Variants in PDE6A observed in about 807,000 individuals in gnomAD.
PDE6A encodes the protein rod cGMP-specific 3',5'-cyclic phosphodiesterase subunit alpha.
In PDE6A, 84 loss-of-function variants were observed where a neutral mutation model predicts 106.3. The ratio of observed to expected loss-of-function variants is 0.79; its 90% CI spans 0.66 to 0.95. PDE6A has a LOEUF of 0.95. PDE6A is among the 40% of genes least tolerant of loss of function. PDE6A has a pLI of 0.00. For synonymous variants in PDE6A, 394 were observed against 386.6 expected (o/e 1.02, Z -0.23); for missense variants, 1,052 against 1,084.9 (o/e 0.97, Z 0.43).
chr5:149,867,367 A>G, intron 19 of PDE6A: 1 of 386,878 alleles, frequency 2.6e-6, no homozygotes, highest in South Asian at 2.3e-5. Flanking sequence ...AGACCTTTGA[A>G]ATTGAAAGGG....
At chr5:149,881,921 G>C (rs186942216) in intron 17 of PDE6A, among the ~76,000 whole-genome samples, 34 of 151,872 alleles carry the variant, frequency 2.2e-4, no homozygotes, top group Admixed American at 5.2e-4. Flanking sequence ...GGTATAGTGC[G>C]TGTGCCTGTA....
At chr5:149,867,187 C>G (rs2113505998) in intron 19 of PDE6A, 1 of 190,710 alleles carries the variant, frequency 5.2e-6, no homozygotes, top group Admixed American at 5.3e-5. Context: ...CCAGCTTTGC[C>G]TTCAGGGACT....
In PDE6A at chr5:149,895,213, G is replaced by A. The variant is rs149698452; in HGVS notation, c.1698C>T (p.Asn566=). ...ITYHNWRHGF[N]VGQTMFSLLV... is the part of the protein sequence containing the mutation. Reference sequence around the variant, plus strand: ...GCAGGGAGAACATGGTCTGCCCCACGTTGAAGCCGTGCCGCCAGTTGTGGT... The same window carrying A: ...GCAGGGAGAACATGGTCTGCCCCACATTGAAGCCGTGCCGCCAGTTGTGGT... Residue 566 remains asparagine (N), a synonymous_variant, in exon 13 of 22, where the codon AAC becomes AAT. Transcript: ENST00000255266. 4.7e-5 allele frequency: 76 copies of A among 1,613,908 alleles called. No homozygotes were observed. The highest frequency in any genetic ancestry group is 3.3e-4 in the South Asian group (30 of 91,084).
chr5:149,921,228 G>A (rs772182225), intron 5 of PDE6A, among the ~76,000 whole-genome samples: 7 of 152,060 alleles, frequency 4.6e-5, no homozygotes, highest in East Asian at 1.9e-4. Context: ...GGTCTACCCC[G>A]CAAGGTTACT....
intron 17 of PDE6A, among the ~76,000 whole-genome samples, chr5:149,878,378 A>G (rs149299446): frequency 2.6e-5 from 4 of 151,946 alleles, no homozygotes; most frequent in African/African-American, 9.7e-5. Context: ...AAGATATTCC[A>G]TTGTATGAAA....
intron 6 of PDE6A, among the ~76,000 whole-genome samples, chr5:149,907,983 C>T (rs537842395): frequency 6.6e-6 from 1 of 152,348 alleles, no homozygotes; most frequent in Admixed American, 6.5e-5. Context: ...ATAACCTTCT[C>T]CCTAACCCCA....
At chr5:149,943,795 G>A (rs908945469) in intron 1 of PDE6A, among the ~76,000 whole-genome samples, 2 of 148,868 alleles carry the variant, frequency 1.3e-5, no homozygotes, top group Non-Finnish European at 3.0e-5. Context: ...CTGTGTAGAA[G>A]TACTGTGGAA....
At chr5:149,924,660 C>A (rs1753823599) in intron 4 of PDE6A, among the ~76,000 whole-genome samples, 1 of 152,128 alleles carries the variant, frequency 6.6e-6, no homozygotes, top group Non-Finnish European at 1.5e-5. Flanking sequence ...AAAAATTACA[C>A]CATCTGGACT....
At position 149,944,385 on chromosome 5, in the gene PDE6A, A is replaced by G. The variant is rs764037089; in HGVS notation, c.289T>C (p.Phe97Leu). Residue 97 changes from phenylalanine (F) to leucine (L), a missense_variant, in exon 1 of 22, where the codon TTC (phenylalanine) becomes CTC (leucine). Phe to Leu is a conservative substitution (Grantham distance 22). Coordinates refer to ENST00000255266, the MANE Select transcript of PDE6A (RefSeq NM_000440.3). ...ATGCCATTGCGGGTCCGGTACATGA[A>G]CAGGCTCATGCGGTCTGCCTGCAGG... ...FLLQADRMSL[F>L]MYRTRNGIAE... 6.2e-7 allele frequency: 1 copy of G among 1,614,036 alleles called. No individual in the cohort carries two copies. Among genetic ancestry groups the G allele is most frequent in the East Asian group, 2.2e-5 (1 of 44,892 alleles).
chr5:149,934,319 G>A (rs955981253), intron 2 of PDE6A, among the ~76,000 whole-genome samples: 2 of 152,242 alleles, frequency 1.3e-5, no homozygotes, highest in Non-Finnish European at 2.9e-5. Context: ...AAAGTTCAAA[G>A]AAGTTAAATA....
At chr5:149,928,001 A>C (rs1171173096) in intron 4 of PDE6A, among the ~76,000 whole-genome samples, 1 of 151,624 alleles carries the variant, frequency 6.6e-6, no homozygotes, top group Non-Finnish European at 1.5e-5. Flanking sequence ...CCCATCTCCT[A>C]TGATAACAAT....
At chr5:149,896,941 C>T (rs1445164909) in intron 10 of PDE6A, among the ~76,000 whole-genome samples, 165 bp from the exon 11 acceptor site, 1 of 152,172 alleles carries the variant, frequency 6.6e-6, no homozygotes, top group Non-Finnish European at 1.5e-5. Flanking sequence ...GCTTTAGAGC[C>T]ATAGAGACCT....
intron 1 of PDE6A, among the ~76,000 whole-genome samples, chr5:149,938,148 A>G (rs974396623): frequency 6.6e-6 from 1 of 152,226 alleles, no homozygotes. Flanking sequence ...GGACCCAGAT[A>G]AGGAGAAACT....
At chr5:149,915,295 C>T (rs1490775339) in intron 5 of PDE6A, among the ~76,000 whole-genome samples, 1 of 152,102 alleles carries the variant, frequency 6.6e-6, no homozygotes, top group Non-Finnish European at 1.5e-5. Context: ...AGGCGTGAGC[C>T]ACTGCACCCA....
intron 1 of PDE6A, 67 bp downstream of exon 1, chr5:149,944,133 C>A: frequency 3.1e-6 from 4 of 1,297,802 alleles, no homozygotes; most frequent in Non-Finnish European, 4.5e-6. Context: ...TGCCCCTCAC[C>A]CCACCTGTAC....
chr5:149,921,383 T>C (rs1306478632), intron 5 of PDE6A, among the ~76,000 whole-genome samples: 1 of 151,380 alleles, frequency 6.6e-6, no homozygotes, highest in Non-Finnish European at 1.5e-5. Context: ...TTGCAAATGT[T>C]AGGGATGTTA....
At chr5:149,925,167 G>A (rs2113646892) in intron 4 of PDE6A, among the ~76,000 whole-genome samples, 1 of 152,114 alleles carries the variant, frequency 6.6e-6, no homozygotes, top group African/African-American at 2.4e-5. Flanking sequence ...GCATGTAACA[G>A]ACAATTCACG....
intron 6 of PDE6A, among the ~76,000 whole-genome samples, chr5:149,909,632 T>C (rs1398832736): frequency 1.3e-5 from 2 of 152,246 alleles, no homozygotes; most frequent in Non-Finnish European, 2.9e-5. Flanking sequence ...CTGACTGATA[T>C]GGATGGATGC....
chr5:149,935,848 A>G (rs1028144259), intron 1 of PDE6A, among the ~76,000 whole-genome samples: 2 of 152,194 alleles, frequency 1.3e-5, no homozygotes, highest in African/African-American at 4.8e-5. Flanking sequence ...CAATTCACAG[A>G]ACTTTTCTAA....
Sources: allele counts gnomAD v4.1 joint callset (sites outside exome capture counted in the v4.1 genomes callset), GRCh38; gene constraint gnomAD v4.1.1; transcripts MANE v1.5; gene names NCBI Gene and HGNC (gene_info 2026-07-23, HGNC 2026-07-21).